The following RDX variants were observed in gnomAD, a reference collection of about 807,000 sequenced individuals.
RDX encodes deafness, autosomal recessive 24.
RDX carries 32 observed loss-of-function variants against 83.7 expected under a neutral mutation model. That is an observed-to-expected ratio of 0.38 (90% CI 0.29 to 0.51). RDX has a LOEUF of 0.51. RDX is among the 20% of genes least tolerant of loss of function. The pLI is 0.87. For synonymous variants in RDX, 229 were observed against 222.7 expected, an observed-to-expected ratio of 1.03 and a Z score of -0.25; for missense variants, 600 against 689.9, an observed-to-expected ratio of 0.87 and a Z score of 1.46.
intron 14 of RDX, among the ~76,000 whole-genome samples, chr11:110,209,031 G>C (rs959241990): frequency 6.6e-6 from 1 of 152,226 alleles, no homozygotes; most frequent in Non-Finnish European, 1.5e-5. Flanking sequence ...CTCCCAGCGT[G>C]AGCGACGCAG....
At chr11:110,225,000 A>T (rs1864385382), downstream of RDX, among the ~76,000 whole-genome samples, 1 of 152,340 alleles carries the variant, frequency 6.6e-6, no homozygotes, top group South Asian at 2.1e-4. Flanking sequence ...ACATCTAAAC[A>T]TAGGATTCAA....
intron 14 of RDX, among the ~76,000 whole-genome samples, chr11:110,201,578 T>A (rs1296545672): frequency 6.6e-6 from 1 of 152,038 alleles, no homozygotes; most frequent in Non-Finnish European, 1.5e-5. Flanking sequence ...TGAAGGGTAG[T>A]GAGGGTGAGA....
chr11:110,272,562 T>C lies in RDX; in HGVS notation c.70A>G (p.Thr24Ala). The stretch of plus-strand genomic sequence containing the variant: ...TGGTCAAAAAGTTGTTTGCCAGTTG[T>C]ATTGGGCTGAATGGCAAATTCCAGC... ...AELEFAIQPN[T>A]TGKQLFDQVV... The change falls in exon 3 of 14, where the codon ACA becomes GCA. Residue 24 changes from threonine (T) to alanine (A), a missense_variant. By Grantham distance (58) the Thr-to-Ala change is moderately conservative. Transcript: ENST00000645495. The C allele has an allele frequency of 1.2e-6, 2 of 1,612,276 alleles. No homozygotes were observed. Among genetic ancestry groups the C allele is most frequent in the Non-Finnish European group, 8.5e-7 (1 of 1,179,194 alleles).
downstream of RDX, among the ~76,000 whole-genome samples, chr11:110,227,162 T>C (rs1393992342): frequency 6.6e-6 from 1 of 152,058 alleles, no homozygotes; most frequent in African/African-American, 2.4e-5. Flanking sequence ...TAAAACAATA[T>C]AAAACATCAT....
intron 9 of RDX, among the ~76,000 whole-genome samples, chr11:110,252,778 T>A (rs970155710): frequency 4.4e-5 from 2 of 44,954 alleles, no homozygotes; most frequent in South Asian, 6.9e-4. Flanking sequence ...AACTCATTAC[T>A]CTTTTTTTTA....
chr11:110,216,492 C>T (rs1864056641), intron 14 of RDX, among the ~76,000 whole-genome samples: 1 of 151,720 alleles, frequency 6.6e-6, no homozygotes, highest in South Asian at 2.1e-4. Flanking sequence ...CCCACCTCAG[C>T]CTCCCAAGTA....
chr11:110,238,349 A>G (rs577338901), intron 10 of RDX, among the ~76,000 whole-genome samples: 11 of 152,194 alleles, frequency 7.2e-5, no homozygotes, highest in Non-Finnish European at 1.5e-4. Context: ...TCTTATTCCA[A>G]TGAGTTGAAC....
chr11:110,253,379 T>C (rs1859414012), intron 9 of RDX, among the ~76,000 whole-genome samples: 1 of 152,204 alleles, frequency 6.6e-6, no homozygotes, highest in Admixed American at 6.5e-5. Context: ...GAAATTAATG[T>C]CACTGGACCC....
At chr11:110,183,839 G>T (rs763829069) in intron 15 of RDX, among the ~76,000 whole-genome samples, 7 of 152,166 alleles carry the variant, frequency 4.6e-5, no homozygotes, top group Non-Finnish European at 1.0e-4. Context: ...AATTCAGCAG[G>T]AGTAGGCAAG....
chr11:110,187,371 G>A (rs1863007878), intron 15 of RDX, among the ~76,000 whole-genome samples: 1 of 152,196 alleles, frequency 6.6e-6, no homozygotes, highest in Non-Finnish European at 1.5e-5. Context: ...AGTTTGTGGT[G>A]CAGGAGGCGC....
At chr11:110,196,376 G>C (rs1331004726) in intron 15 of RDX, among the ~76,000 whole-genome samples, 2 of 152,076 alleles carry the variant, frequency 1.3e-5, no homozygotes, top group Non-Finnish European at 2.9e-5. Context: ...TGTACAGATT[G>C]TATCAAAATA....
At chr11:110,237,931 C>T in intron 10 of RDX, 2 of 331,240 alleles carry the variant, frequency 6.0e-6, no homozygotes, top group South Asian at 7.4e-5. Context: ...TACCTCGTTT[C>T]CAACTTGGCA....
At chr11:110,222,578 T>C (rs1864286203) in intron 14 of RDX, among the ~76,000 whole-genome samples, 1 of 152,010 alleles carries the variant, frequency 6.6e-6, no homozygotes, top group Admixed American at 6.5e-5. Context: ...AGGTGGATCA[T>C]AAGGTCAGGA....
chr11:110,284,180 T>TAGAG (rs1187285386), intron 1 of RDX, among the ~76,000 whole-genome samples: 2 of 152,192 alleles, frequency 1.3e-5, no homozygotes, highest in African/African-American at 4.8e-5. Flanking sequence ...TTCCAGAAAG[T>TAGAG]AGAGAGAGAA....
intron 9 of RDX, among the ~76,000 whole-genome samples, chr11:110,248,075 T>A (rs1859187907): frequency 6.6e-6 from 1 of 152,120 alleles, no homozygotes. Context: ...CTTTGGTGAC[T>A]TGAGAAGCAA....
rs538263060 is a variant in RDX, at chr11:110,196,822, T to G, written c.*31+2759A>C. Reference sequence around the variant, plus strand: ...GACTGTGCCAGGCTTTGGGGTTGATTAGTAATTTGGGTACAGTCTGGTCCC... The same window carrying G: ...GACTGTGCCAGGCTTTGGGGTTGATGAGTAATTTGGGTACAGTCTGGTCCC... On this transcript the variant is annotated intron_variant, in intron 15 of 15. Coordinates refer to the RDX transcript ENST00000528498. Among the ~76,000 whole-genome samples the G allele has an allele frequency of 7.2e-5, 11 of 152,298 alleles. No individual in the cohort carries two copies. The South Asian group carries it at 1.9e-3, about 26-fold the overall frequency.
intron 1 of RDX, among the ~76,000 whole-genome samples, chr11:110,279,999 G>T (rs1355754593): frequency 6.6e-6 from 1 of 152,056 alleles, no homozygotes; most frequent in African/African-American, 2.4e-5. Flanking sequence ...GATCTAACCA[G>T]AAGTTTTAAT....
At chr11:110,236,919 C>T (rs1864876443) in intron 11 of RDX, among the ~76,000 whole-genome samples, 1 of 152,114 alleles carries the variant, frequency 6.6e-6, no homozygotes, top group Non-Finnish European at 1.5e-5. Flanking sequence ...TGTGCCCGGC[C>T]ATCATTCCTC....
intron 1 of RDX, among the ~76,000 whole-genome samples, chr11:110,290,474 C>A (rs1447536369): frequency 6.6e-6 from 1 of 151,360 alleles, no homozygotes; most frequent in Admixed American, 6.6e-5. Context: ...ATCAAGCCAC[C>A]GCACTCTGGC....
Sources: gnomAD v4.1 joint callset for allele counts (sites outside exome capture counted in the v4.1 genomes callset) on GRCh38, gnomAD v4.1.1 for gene constraint, MANE v1.5 for transcripts, NCBI Gene and HGNC (gene_info 2026-07-23, HGNC 2026-07-21) for gene names.